The following UNC5CL variants were observed in gnomAD, a reference collection of about 807,000 sequenced individuals.
UNC5CL encodes UNC5C-like protein.
Under a neutral mutation model 54.1 loss-of-function variants are expected in UNC5CL, and 42 were observed. The observed-to-expected ratio is 0.78, with a 90% CI of 0.61 to 1.00. The LOEUF is 1.00. UNC5CL is among the 50% of genes least tolerant of loss of function. UNC5CL has a pLI of 0.00. For missense variants in UNC5CL, 619 were observed against 675.6 expected (o/e 0.92, Z 0.93); for synonymous variants, 285 against 285.1 (o/e 1.00, Z 0.00).
rs1049149483 is a variant in UNC5CL, at chr6:41,028,650, C to G, written c.1335-55G>C. 2.5e-5 allele frequency: 39 copies of G among 1,549,262 alleles called. No homozygotes were observed. Among genetic ancestry groups the G allele is most frequent in the South Asian group, 6.9e-5 (6 of 87,242 alleles). On this transcript the variant is annotated intron_variant, in intron 8 of 8. Coordinates refer to ENST00000244565, the MANE Select transcript of UNC5CL (RefSeq NM_173561.3). The surrounding 1 kb of genome is among the most constrained non-coding windows in gnomAD (Gnocchi z 4.3). ...GTGTAGGAGCAGGGAGGGGCTCCCCCCCTGCTGCAGGCTCCCTGGGCTGCG... is the reference window on the plus strand; with the variant it reads ...GTGTAGGAGCAGGGAGGGGCTCCCCGCCTGCTGCAGGCTCCCTGGGCTGCG...
rs141624251 is a variant in UNC5CL, at chr6:41,033,921, C to T, written c.646G>A (p.Ala216Thr). ...WRPLGRPGAH[A>T]SRDECRIHLS... is the part of the protein sequence containing the mutation. ...TGGATGCGACACTCATCCCGGGAGG[C>T]GTGGGCCCCCGGCCGCCCCAGGGGC... is the stretch of plus-strand genomic sequence containing the variant. Residue 216 changes from alanine (A) to threonine (T), a missense_variant, in exon 3 of 9, where the codon GCC becomes ACC. Ala to Thr is a moderately conservative substitution (Grantham distance 58, BLOSUM62 0). Coordinates refer to ENST00000244565, the MANE Select transcript of UNC5CL (RefSeq NM_173561.3). The T allele has an allele frequency of 5.2e-4, 838 of 1,613,782 alleles. 3 individuals carry two copies. The African/African-American group carries it at 9.9e-3, about 19-fold the overall frequency.
chr6:41,033,701 G>A (rs976035556), intron 3 of UNC5CL, 180 bp downstream of exon 3: 1 of 671,090 alleles, frequency 1.5e-6, no homozygotes, highest in Non-Finnish European at 2.5e-6. Context: ...CATGATTGAT[G>A]TGAGAAAAAC....
At chr6:41,032,848 C>T (rs777118111) in intron 4 of UNC5CL, 36 bp downstream of exon 4, 16 of 1,543,638 alleles carry the variant, frequency 1.0e-5, no homozygotes, top group Admixed American at 7.7e-5. Flanking sequence ...GTGGGGCTCC[C>T]GATCATCCTA....
chr6:41,035,783 G>A (rs1762516688), intron 1 of UNC5CL, among the ~76,000 whole-genome samples: 1 of 152,208 alleles, frequency 6.6e-6, no homozygotes, highest in Non-Finnish European at 1.5e-5. Context: ...TCATGGCACT[G>A]GTGGGCATGT....
intron 8 of UNC5CL, 77 bp downstream of exon 8, chr6:41,030,311 A>T: frequency 7.3e-7 from 1 of 1,374,682 alleles, no homozygotes; most frequent in South Asian, 1.2e-5. Flanking sequence ...CCTGTGATCC[A>T]GTCTCCAGAG....
chr6:41,035,270 CCTGT>C (rs748581993), intron 1 of UNC5CL, 135 bp from the exon 2 acceptor site: 2 of 601,816 alleles, frequency 3.3e-6, no homozygotes, highest in Admixed American at 3.3e-5. Flanking sequence ...ATTCTTTTAA[CCTGT>C]CTCTCTTACT....
At chr6:41,033,803 G>T in intron 3 of UNC5CL, 78 bp downstream of exon 3, 1 of 1,480,930 alleles carries the variant, frequency 6.8e-7, no homozygotes, top group Non-Finnish European at 9.2e-7. Flanking sequence ...TGAAGATAAG[G>T]CAGACAGAGA....
intron 1 of UNC5CL, among the ~76,000 whole-genome samples, chr6:41,038,626 C>A (rs1281344373): frequency 2.0e-5 from 3 of 152,130 alleles, no homozygotes; most frequent in Non-Finnish European, 2.9e-5. Flanking sequence ...TTGGGGCATC[C>A]CAACCCCATG....
chr6:41,028,062 A>T lies in UNC5CL; in HGVS notation c.*311T>A, dbSNP rs2114004888. The T allele has an allele frequency of 2.6e-6, 1 of 388,124 alleles. No individual in the cohort carries two copies. Among genetic ancestry groups the T allele is most frequent in the Non-Finnish European group, 4.7e-6 (1 of 214,484 alleles). 24.0% of individuals were successfully genotyped at this position (388,124 alleles called of 1,614,324 possible). A position where few individuals can be genotyped will look rare whatever the true frequency, so the allele number is the denominator to read the frequency against. On this transcript the variant is annotated 3_prime_UTR_variant, in exon 9 of 9. Transcript: ENST00000244565. The surrounding 1 kb of genome is among the most constrained non-coding windows in gnomAD (Gnocchi z 4.3). ...TGCTCAGTGAATACTTTAGGGCCTGACCGGCCCTAAAGTGCACGCGGGGAC... is the reference window on the plus strand; with the variant it reads ...TGCTCAGTGAATACTTTAGGGCCTGTCCGGCCCTAAAGTGCACGCGGGGAC...
At chr6:41,037,076 T>G (rs1762533993) in intron 1 of UNC5CL, among the ~76,000 whole-genome samples, 8 of 152,194 alleles carry the variant, frequency 5.3e-5, no homozygotes, top group Admixed American at 5.2e-4. Flanking sequence ...ACTTGTTTCC[T>G]CTCCCTACGT....
chr6:41,030,802 C>G (rs1425757515), intron 6 of UNC5CL, 47 bp from the exon 7 acceptor site: 2 of 1,563,962 alleles, frequency 1.3e-6, no homozygotes, highest in Non-Finnish European at 1.8e-6. Context: ...CACAAGCCAT[C>G]CCCCTGAGTA....
chr6:41,037,208 G>A (rs950281690), intron 1 of UNC5CL, among the ~76,000 whole-genome samples: 10 of 152,204 alleles, frequency 6.6e-5, no homozygotes, highest in Non-Finnish European at 1.5e-4. Context: ...GTGCTGTCAT[G>A]TGTGATTTTC....
chr6:41,034,922 T>A lies in UNC5CL; in HGVS notation c.153A>T (p.Glu51Asp), dbSNP rs1464329755. 6.2e-7 allele frequency: 1 copy of A among 1,614,172 alleles called. No individual in the cohort carries two copies. The highest frequency in any genetic ancestry group is 1.1e-5 in the South Asian group (1 of 91,080). The change falls in exon 2 of 9, where the codon GAA becomes GAT. Residue 51 changes from glutamate (E) to aspartate (D), a missense_variant. Physicochemically the swap from Glu to Asp is conservative, Grantham distance 45 (BLOSUM62 2). Coordinates refer to ENST00000244565, the MANE Select transcript of UNC5CL (RefSeq NM_173561.3). ...GACWTLNGQE[E>D]PVSQPTPQLE... ...GTTGGGGGGTAGGCTGGGACACTGGTTCCTCTTGACCATTCAGTGTCCAGC... is the reference window on the plus strand; with the variant it reads ...GTTGGGGGGTAGGCTGGGACACTGGATCCTCTTGACCATTCAGTGTCCAGC...
At position 41,029,992 on chromosome 6, in the gene UNC5CL, G is replaced by T. The variant is rs1762433673; in HGVS notation, c.1334+396C>A. ...CCTGCTTTCTGAGTTCCTTGACAGG[G>T]ATCATGACTGCACTGTCACCATTAT... On this transcript the variant is annotated intron_variant, in intron 8 of 8. Coordinates refer to ENST00000244565, the MANE Select transcript of UNC5CL (RefSeq NM_173561.3). The surrounding 1 kb of genome is among the most constrained non-coding windows in gnomAD (Gnocchi z 4.1). 6.6e-6 allele frequency among the ~76,000 whole-genome samples: 1 copy of T among 152,144 alleles called. No homozygotes were observed. The highest frequency in any genetic ancestry group is 1.5e-5 in the Non-Finnish European group (1 of 68,016).
rs1762428472 is a variant in UNC5CL, at chr6:41,029,514, C to G, written c.1334+874G>C. ...TGAACCCTTTACTAGTGTGTGCGCT[C>G]CTAGGCGCCGGGACCATGCCTCATT... is the stretch of plus-strand genomic sequence containing the variant. On this transcript the variant is annotated intron_variant, in intron 8 of 8. Coordinates refer to ENST00000244565, the MANE Select transcript of UNC5CL (RefSeq NM_173561.3). This position sits in a 1 kb window ranked among gnomAD's most constrained non-coding sequence, Gnocchi z 4.1. Among the ~76,000 whole-genome samples, 1 of 152,244 alleles carries G rather than the reference C, an allele frequency of 6.6e-6. No homozygotes were observed. Among genetic ancestry groups the G allele is most frequent in the Non-Finnish European group, 1.5e-5 (1 of 68,044 alleles).
Position 41,039,192 on chromosome 6 carries a change from G to A in UNC5CL, c.-92C>T, listed in dbSNP as rs901409870. ...AGGAGCTCTTAGAGGCTGCTGGCTG[G>A]TCCAGTTCCTTCTCCGAGAAACAAG... On this transcript the variant is annotated 5_prime_UTR_variant, in exon 1 of 9. Coordinates refer to ENST00000244565, the MANE Select transcript of UNC5CL (RefSeq NM_173561.3). 6.6e-6 allele frequency: 1 copy of A among 152,236 alleles called. No individual in the cohort carries two copies. Among genetic ancestry groups the A allele is most frequent in the Non-Finnish European group, 1.5e-5 (1 of 68,068 alleles). 9.4% of individuals were successfully genotyped at this position (152,236 alleles called of 1,614,324 possible).
Position 41,035,131 on chromosome 6 carries a change from A to G in UNC5CL, c.-57T>C. 1 of 1,510,896 alleles carries G rather than the reference A, an allele frequency of 6.6e-7. No individual in the cohort carries two copies. Among genetic ancestry groups the G allele is most frequent in the Non-Finnish European group, 8.8e-7 (1 of 1,131,586 alleles). The allele number at this position is 1,510,896 out of a possible 1,614,324, so 93.6% of individuals were successfully genotyped here. A position where few individuals can be genotyped will look rare whatever the true frequency, so the allele number is the denominator to read the frequency against. Reference sequence around the variant, plus strand: ...TTCACCCCTGTGCCAGCCAAAGCCAAAGGCCTGGTGGGGAAGAAGGGGTCA... The same window carrying G: ...TTCACCCCTGTGCCAGCCAAAGCCAGAGGCCTGGTGGGGAAGAAGGGGTCA... On this transcript the variant is annotated 5_prime_UTR_variant, in exon 2 of 9. Coordinates refer to ENST00000244565, the MANE Select transcript of UNC5CL (RefSeq NM_173561.3).
At chr6:41,030,348 AC>A in intron 8 of UNC5CL, 39 bp downstream of exon 8, 7 of 1,599,248 alleles carry the variant, frequency 4.4e-6, no homozygotes, top group Non-Finnish European at 6.0e-6. Flanking sequence ...ATTCCAGCCC[AC>A]CCTCCTCTAC....
At position 41,029,571 on chromosome 6, in the gene UNC5CL, C is replaced by T. The variant is rs1291453744; in HGVS notation, c.1334+817G>A. ...GTATCATAGTGCTTAGCACAGTTTCCAGGGCATAATAGGTACTTGATAAAT... is the reference window on the plus strand; with the variant it reads ...GTATCATAGTGCTTAGCACAGTTTCTAGGGCATAATAGGTACTTGATAAAT... On this transcript the variant is annotated intron_variant, in intron 8 of 8. Coordinates refer to ENST00000244565, the MANE Select transcript of UNC5CL (RefSeq NM_173561.3). The surrounding 1 kb of genome is among the most constrained non-coding windows in gnomAD (Gnocchi z 4.1). Among the ~76,000 whole-genome samples the T allele has an allele frequency of 6.6e-6, 1 of 152,210 alleles. No individual in the cohort carries two copies. Among genetic ancestry groups the T allele is most frequent in the Non-Finnish European group, 1.5e-5 (1 of 68,038 alleles).
Sources: allele counts gnomAD v4.1 joint callset (sites outside exome capture counted in the v4.1 genomes callset), GRCh38; gene constraint gnomAD v4.1.1; non-coding constraint Gnocchi (gnomAD v3.1); transcripts MANE v1.5; gene names NCBI Gene and HGNC (gene_info 2026-07-23, HGNC 2026-07-21).